Variants in ADAMTS9 observed in about 807,000 individuals in gnomAD.
The protein encoded by ADAMTS9 is A disintegrin and metalloproteinase with thrombospondin motifs 9.
In ADAMTS9, 107 loss-of-function variants were observed where a neutral mutation model predicts 257.1. The observed-to-expected ratio is 0.42, with a 90% CI of 0.36 to 0.49. The LOEUF is 0.49. Ranked by LOEUF, ADAMTS9 falls within the 20% of genes least tolerant of loss-of-function variation. The pLI is 0.03. For synonymous variants in ADAMTS9, 982 were observed against 880.9 expected (o/e 1.11, Z -2.03); for missense variants, 2,353 against 2,469.1 (o/e 0.95, Z 1.00).
chr3:64,642,909 G>A (rs899408150), intron 11 of ADAMTS9, among the ~76,000 whole-genome samples: 1 of 152,200 alleles, frequency 6.6e-6, no homozygotes, highest in African/African-American at 2.4e-5. Flanking sequence ...AGTATGCAGG[G>A]AAGGTGGAAA....
intron 36 of ADAMTS9, among the ~76,000 whole-genome samples, chr3:64,540,408 C>T (rs952423515): frequency 3.9e-5 from 6 of 152,164 alleles, no homozygotes; most frequent in African/African-American, 1.4e-4. Flanking sequence ...TGATTAATGT[C>T]CCCAACAGAG....
rs774048233 is a variant in ADAMTS9 at position 64,561,732 on chromosome 3, C to T, written c.4544G>A (p.Arg1515Gln). Reference sequence around the variant, plus strand: ...GCCCACATGCCTCTGCTGTACGCCTCGGCCACAGGACACAGAGCACTAAGA... The same window carrying T: ...GCCCACATGCCTCTGCTGTACGCCTTGGCCACAGGACACAGAGCACTAAGA... Reference protein sequence around the residue: ...AWSQCSVSCGRGVQQRHVGCQ... With the variant: ...AWSQCSVSCGQGVQQRHVGCQ... Residue 1515 changes from arginine (R) to glutamine (Q), a missense_variant, in exon 30 of 40, where the codon CGA becomes CAA. Coordinates refer to ENST00000498707, the MANE Select transcript of ADAMTS9 (RefSeq NM_182920.2). 3.1e-6 allele frequency: 5 copies of T among 1,606,886 alleles called. No individual in the cohort carries two copies. The highest frequency in any genetic ancestry group is 3.4e-6 in the Non-Finnish European group (4 of 1,176,672).
chr3:64,561,948 AC>A (rs2083434762), intron 29 of ADAMTS9, among the ~76,000 whole-genome samples, 197 bp from the exon 30 acceptor site: 3 of 152,124 alleles, frequency 2.0e-5, no homozygotes, highest in Admixed American at 2.0e-4. Flanking sequence ...TATCTTATCC[AC>A]GCTGGAGAGT....
At chr3:64,656,558 C>T (rs753267435) in intron 4 of ADAMTS9, among the ~76,000 whole-genome samples, 1 of 152,174 alleles carries the variant, frequency 6.6e-6, no homozygotes, top group Non-Finnish European at 1.5e-5. Flanking sequence ...AGGCTACACA[C>T]TGGTGAGTAG....
intron 4 of ADAMTS9, among the ~76,000 whole-genome samples, chr3:64,656,231 G>A (rs922648081): frequency 1.3e-5 from 2 of 152,188 alleles, no homozygotes; most frequent in Non-Finnish European, 2.9e-5. Flanking sequence ...TTGGGTGCAC[G>A]TTAGCCGACA....
At chr3:64,665,786 AC>A (rs1458972901) in intron 3 of ADAMTS9, among the ~76,000 whole-genome samples, 1 of 152,218 alleles carries the variant, frequency 6.6e-6, no homozygotes, top group African/African-American at 2.4e-5. Context: ...TCTTCACCCT[AC>A]TATCCCATAT....
intron 28 of ADAMTS9, chr3:64,568,939 A>G (rs2083609526): frequency 6.0e-6 from 1 of 166,482 alleles, no homozygotes; most frequent in African/African-American, 2.4e-5. Context: ...AAATACAACT[A>G]TGTTCAATTT....
intron 3 of ADAMTS9, among the ~76,000 whole-genome samples, chr3:64,665,548 T>G (rs1433781046): frequency 6.6e-6 from 1 of 152,196 alleles, no homozygotes; most frequent in Non-Finnish European, 1.5e-5. Flanking sequence ...TTTTTGCCAG[T>G]CACAAAGTCA....
At chr3:64,577,262 C>G (rs1430303963) in intron 28 of ADAMTS9, among the ~76,000 whole-genome samples, 4 of 152,140 alleles carry the variant, frequency 2.6e-5, no homozygotes, top group Admixed American at 6.5e-5. Flanking sequence ...GGCAGTGTTA[C>G]CCCTCATGTG....
At chr3:64,532,193 G>A (rs1368543769) in intron 38 of ADAMTS9, among the ~76,000 whole-genome samples, 5 of 152,140 alleles carry the variant, frequency 3.3e-5, no homozygotes, top group Non-Finnish European at 7.3e-5. Context: ...TAAACACATC[G>A]CAAGTTGGAA....
At chr3:64,670,062 C>T (rs1303415327) in intron 3 of ADAMTS9, among the ~76,000 whole-genome samples, 1 of 152,186 alleles carries the variant, frequency 6.6e-6, no homozygotes, top group Non-Finnish European at 1.5e-5. Flanking sequence ...TATCCCTCTT[C>T]AGCAGCAGGG....
intron 28 of ADAMTS9, among the ~76,000 whole-genome samples, chr3:64,579,784 A>G (rs1166776575): frequency 6.6e-6 from 1 of 152,236 alleles, no homozygotes; most frequent in Non-Finnish European, 1.5e-5. Flanking sequence ...CAAATAAATA[A>G]CAATTGCTGT....
intron 12 of ADAMTS9, among the ~76,000 whole-genome samples, chr3:64,637,813 G>T (rs543631098): frequency 6.6e-6 from 1 of 152,176 alleles, no homozygotes; most frequent in East Asian, 1.9e-4. Context: ...TGGGGTGGGA[G>T]CTGTACCAGC....
chr3:64,582,510 G>A (rs1288691061), intron 28 of ADAMTS9: 1 of 152,104 alleles, frequency 6.6e-6, no homozygotes, highest in African/African-American at 2.4e-5. Context: ...CCTCTCTAAT[G>A]CCCATAGGAA....
intron 30 of ADAMTS9, among the ~76,000 whole-genome samples, chr3:64,553,566 GT>G: frequency 6.6e-6 from 1 of 152,130 alleles, no homozygotes; most frequent in East Asian, 1.9e-4. Flanking sequence ...ATACCTGGGA[GT>G]GGAATTGCTG....
At position 64,622,215 on chromosome 3, in the gene ADAMTS9, C is replaced by T. The variant is rs1373204964; in HGVS notation, c.2669G>A (p.Cys890Tyr). 1 of 1,613,474 alleles carries T rather than the reference C, an allele frequency of 6.2e-7. No homozygotes were observed. The highest frequency in any genetic ancestry group is 8.5e-7 in the Non-Finnish European group (1 of 1,179,736). ...GCAGATACCTTGGCAGGGTTTACTG[C>T]ATGCTTGCCATGGCCCATGACTGTT... ...YWNSHGPWQA[C>Y]SKPCQGERKR... The change falls in exon 18 of 40, where the codon TGC becomes TAC. Residue 890 changes from cysteine to tyrosine, a missense_variant. This residue lies in a region of ADAMTS9 where 1,402 missense variants were observed against 1,441.4 expected (regional missense o/e 0.97). Transcript: ENST00000498707.
chr3:64,655,860 TATAG>T lies in ADAMTS9; in HGVS notation c.981_984del (p.Tyr328LysfsTer8). 4 of 1,563,936 alleles carry T rather than the reference TATAG, an allele frequency of 2.6e-6. No homozygotes were observed. The highest frequency in any genetic ancestry group is 3.4e-6 in the Non-Finnish European group (4 of 1,161,276). On this transcript the variant is annotated frameshift_variant, in exon 5 of 40. Transcript: ENST00000498707. LOFTEE classifies it high-confidence loss of function. Reference sequence around the variant, plus strand: ...ATTAAATTTCCAATACTTGGGTCTTTATAGATAGAGGCTACCTGCAACCGAGATA... The same window carrying T: ...ATTAAATTTCCAATACTTGGGTCTTTATAGAGGCTACCTGCAACCGAGATA...
intron 3 of ADAMTS9, among the ~76,000 whole-genome samples, chr3:64,672,676 C>T: frequency 1.6e-5 from 1 of 63,182 alleles, no homozygotes; most frequent in East Asian, 5.0e-4. Context: ...GAGCAAGACT[C>T]TCAAAACAAC....
intron 30 of ADAMTS9, among the ~76,000 whole-genome samples, chr3:64,560,149 A>T (rs960224888): frequency 1.3e-5 from 2 of 152,214 alleles, no homozygotes; most frequent in Non-Finnish European, 2.9e-5. Flanking sequence ...GAAATCAAGA[A>T]TCCTTGTTCT....
Sources: allele counts gnomAD v4.1 joint callset (sites outside exome capture counted in the v4.1 genomes callset), GRCh38; gene constraint gnomAD v4.1.1; regional missense constraint gnomAD v4.1.1; transcripts MANE v1.5; gene names NCBI Gene and HGNC (gene_info 2026-07-23, HGNC 2026-07-21).